Variants in C2CD5 observed in about 807,000 individuals in gnomAD.
C2CD5 encodes C2 calcium dependent domain containing 5.
In C2CD5, 109 loss-of-function variants were observed where a neutral mutation model predicts 130.3. The ratio of observed to expected loss-of-function variants is 0.84; its 90% CI spans 0.72 to 0.98. The LOEUF is 0.98. Among genes scored for constraint, C2CD5 ranks in the 50% least tolerant of loss-of-function variants. The pLI is 0.00. For missense variants in C2CD5, 996 were observed against 1,261.8 expected (o/e 0.79, Z 3.19); for synonymous variants, 454 against 429.2 (o/e 1.06, Z -0.71).
intron 11 of C2CD5, among the ~76,000 whole-genome samples, chr12:22,490,951 G>A (rs1056026675): frequency 6.6e-6 from 1 of 152,146 alleles, no homozygotes; most frequent in African/African-American, 2.4e-5. Context: ...GAGAACAAGG[G>A]AGGAACAGTC....
Position 22,480,291 on chromosome 12 carries a change from GCA to G in C2CD5, c.1738-1816_1738-1815del, listed in dbSNP as rs150841300. 4.9e-3 allele frequency among the ~76,000 whole-genome samples: 741 copies of G among 152,254 alleles called. 12 individuals are homozygous for G. In the East Asian group the frequency reaches 0.051, roughly 10 times the overall value. On this transcript the variant is annotated intron_variant, in intron 14 of 26. Transcript: ENST00000446597. ...CACTTTACAGTCTCAACCTATCACAGCACACAGTTTCTCCTCCTGTAAAGTGA... is the reference window on the plus strand; with the variant it reads ...CACTTTACAGTCTCAACCTATCACAGCACAGTTTCTCCTCCTGTAAAGTGA...
At chr12:22,456,312 G>T (rs915073112) in intron 25 of C2CD5, among the ~76,000 whole-genome samples, 1 of 152,106 alleles carries the variant, frequency 6.6e-6, no homozygotes, top group Non-Finnish European at 1.5e-5. Flanking sequence ...ATATTAATTT[G>T]CTTGGTAGCC....
intron 14 of C2CD5, among the ~76,000 whole-genome samples, chr12:22,479,630 A>C (rs1944415002): frequency 6.6e-6 from 1 of 152,118 alleles, no homozygotes; most frequent in Admixed American, 6.5e-5. Context: ...GCATTTCACT[A>C]TATTGCCCTA....
intron 3 of C2CD5, chr12:22,534,567 T>C (rs1041674612): frequency 6.6e-6 from 1 of 152,126 alleles, no homozygotes; most frequent in South Asian, 2.1e-4. Flanking sequence ...GGCATACACA[T>C]ACAATGGGTT....
intron 15 of C2CD5, chr12:22,477,287 C>G (rs1943981840): frequency 6.6e-6 from 1 of 152,096 alleles, no homozygotes; most frequent in Non-Finnish European, 1.5e-5. Context: ...AGACTAGTCA[C>G]AAGTCCTCAA....
chr12:22,473,097 T>G (rs1336949372), intron 16 of C2CD5, among the ~76,000 whole-genome samples: 1 of 152,180 alleles, frequency 6.6e-6, no homozygotes, highest in Non-Finnish European at 1.5e-5. Flanking sequence ...AAGCAATCAT[T>G]ATTCTAATTT....
At chr12:22,523,687 A>T in intron 6 of C2CD5, 63 bp from the exon 7 acceptor site, 5 of 1,197,408 alleles carry the variant, frequency 4.2e-6, no homozygotes, top group Non-Finnish European at 5.9e-6. Context: ...ATAAGACTGG[A>T]CATGGTAGTG....
At chr12:22,522,719 T>C (rs1475035215) in intron 7 of C2CD5, among the ~76,000 whole-genome samples, 1 of 152,152 alleles carries the variant, frequency 6.6e-6, no homozygotes, top group Non-Finnish European at 1.5e-5. Context: ...GTTTAACACT[T>C]CTGCACAAAT....
intron 12 of C2CD5, among the ~76,000 whole-genome samples, chr12:22,485,176 A>T (rs1945311174): frequency 6.6e-6 from 1 of 152,044 alleles, no homozygotes; most frequent in African/African-American, 2.4e-5. Context: ...ATCACCCCAA[A>T]GTTTTTTCTC....
intron 24 of C2CD5, 142 bp downstream of exon 24, chr12:22,458,342 C>G: frequency 5.0e-6 from 2 of 398,634 alleles, no homozygotes; most frequent in Non-Finnish European, 8.8e-6. Context: ...TCCTAAATGA[C>G]CGTTACAGTC....
chr12:22,481,649 C>CTTTTTTT (rs34990025), intron 14 of C2CD5, among the ~76,000 whole-genome samples: 2 of 116,448 alleles, frequency 1.7e-5, no homozygotes, highest in Admixed American at 9.1e-5. Context: ...AGAAACACAC[C>CTTTTTTT]TTTTTTTTTT....
At chr12:22,496,905 G>A (rs1042445637) in intron 10 of C2CD5, among the ~76,000 whole-genome samples, 3 of 151,790 alleles carry the variant, frequency 2.0e-5, no homozygotes, top group South Asian at 2.1e-4. Flanking sequence ...TTTTTACTAC[G>A]TTACATTCCT....
chr12:22,519,123 A>T (rs1950037862), intron 7 of C2CD5: 1 of 1,535,854 alleles, frequency 6.5e-7, no homozygotes, highest in Non-Finnish European at 8.7e-7. Flanking sequence ...ACCAGTATAG[A>T]TGAGAGTGGG....
At chr12:22,528,959 G>A (rs1950966102) in intron 3 of C2CD5, among the ~76,000 whole-genome samples, 1 of 152,150 alleles carries the variant, frequency 6.6e-6, no homozygotes, top group South Asian at 2.1e-4. Flanking sequence ...GTGTGATAAT[G>A]TGATCTAAGG....
At chr12:22,467,597 A>T (rs1218432376) in intron 22 of C2CD5, among the ~76,000 whole-genome samples, 4 of 152,214 alleles carry the variant, frequency 2.6e-5, no homozygotes, top group Non-Finnish European at 5.9e-5. Context: ...TTCACATTTT[A>T]CAAAGGACGA....
chr12:22,534,138 A>C (rs941535750), intron 3 of C2CD5, among the ~76,000 whole-genome samples: 1 of 152,216 alleles, frequency 6.6e-6, no homozygotes, highest in South Asian at 2.1e-4. Flanking sequence ...CAGTGAGCCA[A>C]GATCGCACCA....
At chr12:22,502,787 C>A in intron 10 of C2CD5, 17 of 1,530,886 alleles carry the variant, frequency 1.1e-5, no homozygotes, top group Non-Finnish European at 1.5e-5. Flanking sequence ...CTTGTGTTAC[C>A]CATAATTCCG....
At chr12:22,500,989 G>A (rs944687989) in intron 10 of C2CD5, among the ~76,000 whole-genome samples, 22 of 151,962 alleles carry the variant, frequency 1.4e-4, no homozygotes, top group African/African-American at 4.8e-4. Flanking sequence ...TGAGAGCAAT[G>A]GCTAAATATT....
At position 22,467,332 on chromosome 12, in the gene C2CD5, T is replaced by C. The variant is rs532734290; in HGVS notation, c.2533+2377A>G. Reference sequence around the variant, plus strand: ...CCACAGGCACACCACCATGCATGACTAATTTTTTGTATTTTTTGTAGAGAA... The same window carrying C: ...CCACAGGCACACCACCATGCATGACCAATTTTTTGTATTTTTTGTAGAGAA... On this transcript the variant is annotated intron_variant, in intron 22 of 26. Transcript: ENST00000446597. Among the ~76,000 whole-genome samples, 83 of 152,078 alleles carry C rather than the reference T, an allele frequency of 5.5e-4. No individual in the cohort carries two copies. In the South Asian group the frequency reaches 6.7e-3, roughly 12 times the overall value.
Sources: gnomAD v4.1 joint callset for allele counts (sites outside exome capture counted in the v4.1 genomes callset) on GRCh38, gnomAD v4.1.1 for gene constraint, MANE v1.5 for transcripts, NCBI Gene and HGNC (gene_info 2026-07-23, HGNC 2026-07-21) for gene names.